The following TSPAN19 variants were observed in gnomAD, a reference collection of about 807,000 sequenced individuals.
TSPAN19 encodes the protein tetraspanin-19.
TSPAN19 carries 44 observed loss-of-function variants against 35.1 expected under a neutral mutation model. That is an observed-to-expected ratio of 1.25 (90% confidence interval 0.98 to 1.61). TSPAN19 has a LOEUF of 1.61. TSPAN19 is among the 40% of genes most tolerant of loss of function. TSPAN19 has a pLI of 0.00. For missense variants in TSPAN19, 290 were observed against 280.0 expected (o/e 1.04, Z -0.26); for synonymous variants, 79 against 92.0 (o/e 0.86, Z 0.81).
chr12:85,017,307 C>T (rs763235773), intron 7 of TSPAN19, 149 bp downstream of exon 7: 13 of 649,970 alleles, frequency 2.0e-5, no homozygotes, highest in South Asian at 7.8e-5. Flanking sequence ...TACCTAATTA[C>T]GTGTTCAACT....
chr12:85,017,697 C>T (rs1876891757), intron 6 of TSPAN19, 98 bp from the exon 7 acceptor site: 2 of 880,862 alleles, frequency 2.3e-6, no homozygotes, highest in South Asian at 2.0e-5. Context: ...GAAGATAACT[C>T]ATTAATTTTT....
At chr12:85,031,613 T>G (rs1333214011) in intron 1 of TSPAN19, among the ~76,000 whole-genome samples, 5 of 152,142 alleles carry the variant, frequency 3.3e-5, no homozygotes, top group Non-Finnish European at 7.4e-5. Context: ...TTATCTCAGT[T>G]CAAAGTAGGT....
intron 3 of TSPAN19, among the ~76,000 whole-genome samples, chr12:85,028,929 A>G (rs1877553214): frequency 6.6e-6 from 1 of 152,136 alleles, no homozygotes; most frequent in South Asian, 2.1e-4. Flanking sequence ...AAAAGGTAAC[A>G]TCTGAGCATA....
Position 85,028,016 on chromosome 12 carries a change from A to G in TSPAN19, c.147T>C (p.Asn49=). The G allele has an allele frequency of 6.4e-7, 1 of 1,555,122 alleles. No individual in the cohort carries two copies. Among genetic ancestry groups the G allele is most frequent in the Non-Finnish European group, 8.7e-7 (1 of 1,146,060 alleles). ...GAGAAATAGGTACTATGAAGTGATT[A>G]TTTTCATCTGTGAAAAGTACAAATT... ...RNNFLTAFDE[N]NHFIVPISQI... The change falls in exon 4 of 9, where the codon AAT becomes AAC. Residue 49 remains asparagine, a synonymous_variant. Transcript: ENST00000532498.
At chr12:85,031,114 A>G (rs898410774) in intron 1 of TSPAN19, among the ~76,000 whole-genome samples, 4 of 152,106 alleles carry the variant, frequency 2.6e-5, no homozygotes, top group African/African-American at 9.7e-5. Flanking sequence ...ATCGTAAACC[A>G]TCTTCCTCGT....
rs143520458 is a variant in TSPAN19 at position 85,028,520 on chromosome 12, C to T, written c.140-497G>A. 2.2e-4 allele frequency among the ~76,000 whole-genome samples: 34 copies of T among 152,268 alleles called. No individual in the cohort carries two copies. The East Asian group carries it at 6.0e-3, about 27-fold the overall frequency. On this transcript the variant is annotated intron_variant, in intron 3 of 8. Coordinates refer to ENST00000532498, the MANE Select transcript of TSPAN19 (RefSeq NM_001100917.2). ...AGATTATATATATTTATCCAGTCAA[C>T]AGGCTGACTGTTGAATGCTTGGTGC... is the stretch of plus-strand genomic sequence containing the variant.
rs1428466262 is a variant in TSPAN19, at chr12:85,015,986, T to C, written c.595-15A>G. 2 of 1,441,792 alleles carry C rather than the reference T, an allele frequency of 1.4e-6. No homozygotes were observed. The highest frequency in any genetic ancestry group is 1.9e-6 in the Non-Finnish European group (2 of 1,063,290). 89.3% of individuals were successfully genotyped at this position (1,441,792 alleles called of 1,614,324 possible). ...TTTTCACAACCCTAAGAAAAAGAAGTTATTCAGATGGACATGGAGATGGAA... is the reference window on the plus strand; with the variant it reads ...TTTTCACAACCCTAAGAAAAAGAAGCTATTCAGATGGACATGGAGATGGAA... On this transcript the variant is annotated splice_polypyrimidine_tract_variant and intron_variant, in intron 7 of 8. Coordinates refer to ENST00000532498, the MANE Select transcript of TSPAN19 (RefSeq NM_001100917.2).
intron 3 of TSPAN19, among the ~76,000 whole-genome samples, chr12:85,029,279 C>T (rs1425772997): frequency 6.6e-6 from 1 of 152,036 alleles, no homozygotes; most frequent in Non-Finnish European, 1.5e-5. Flanking sequence ...AGGAAAGTTA[C>T]ATGGTTAAAA....
chr12:85,020,102 C>CT (rs1271735501), intron 5 of TSPAN19, among the ~76,000 whole-genome samples: 2 of 151,938 alleles, frequency 1.3e-5, no homozygotes, highest in East Asian at 3.9e-4. Flanking sequence ...GGACACTAGG[C>CT]TTTTTCTGGC....
At chr12:85,014,662 G>A in intron 8 of TSPAN19, 107 bp from the exon 9 acceptor site, 1 of 759,410 alleles carries the variant, frequency 1.3e-6, no homozygotes, top group East Asian at 2.8e-5. Flanking sequence ...AAGGGAAAAG[G>A]GATCAAAACT....
intron 6 of TSPAN19, among the ~76,000 whole-genome samples, chr12:85,018,283 T>C (rs1322866887): frequency 6.6e-6 from 1 of 151,866 alleles, no homozygotes; most frequent in Non-Finnish European, 1.5e-5. Context: ...TTATGGAAAA[T>C]GATAACATTA....
At position 85,014,378 on chromosome 12, in the gene TSPAN19, T is replaced by G. The variant is rs889892370; in HGVS notation, c.*109A>C. ...TCAATATTACATATAATTAATAATT[T>G]GAATACATCTGTTATTTAATACAAT... On this transcript the variant is annotated 3_prime_UTR_variant, in exon 9 of 9. Coordinates refer to ENST00000532498, the MANE Select transcript of TSPAN19 (RefSeq NM_001100917.2). The G allele has an allele frequency of 1.5e-6, 1 of 656,400 alleles. No homozygotes were observed. Among genetic ancestry groups the G allele is most frequent in the African/African-American group, 1.9e-5 (1 of 52,384 alleles). 40.7% of individuals were successfully genotyped at this position (656,400 alleles called of 1,614,324 possible).
At chr12:85,015,541 T>TATACACAC (rs374178837) in intron 8 of TSPAN19, 7 of 146,880 alleles carry the variant, frequency 4.8e-5, no homozygotes, top group African/African-American at 1.8e-4. Context: ...TATGAACATA[T>TATACACAC]ACACACACAC....
intron 6 of TSPAN19, among the ~76,000 whole-genome samples, chr12:85,018,566 T>A (rs1031190856): frequency 2.0e-5 from 3 of 151,930 alleles, no homozygotes; most frequent in Non-Finnish European, 4.4e-5. Context: ...GAAAATACAA[T>A]ACATGTACGG....
intron 7 of TSPAN19, chr12:85,016,561 A>T (rs1876817812): frequency 6.6e-6 from 1 of 152,018 alleles, no homozygotes; most frequent in Non-Finnish European, 1.5e-5. Context: ...GAAGATGACT[A>T]CTAAGTGACT....
chr12:85,023,967 A>C (rs1877264929), intron 4 of TSPAN19, among the ~76,000 whole-genome samples: 1 of 152,068 alleles, frequency 6.6e-6, no homozygotes, highest in African/African-American at 2.4e-5. Context: ...GCTGTTGTCC[A>C]CCTAAAAAAA....
chr12:85,019,334 C>A (rs146709263), intron 6 of TSPAN19, among the ~76,000 whole-genome samples: 1 of 152,018 alleles, frequency 6.6e-6, no homozygotes, highest in African/African-American at 2.4e-5. Context: ...ACTTATCTCC[C>A]ATCAGGTGCA....
chr12:85,021,761 T>C (rs1877139054), intron 5 of TSPAN19, among the ~76,000 whole-genome samples: 1 of 152,102 alleles, frequency 6.6e-6, no homozygotes, highest in South Asian at 2.1e-4. Flanking sequence ...CAAATTGATG[T>C]AAACAAAGCT....
At chr12:85,023,750 C>T (rs1350517614) in intron 4 of TSPAN19, among the ~76,000 whole-genome samples, 3 of 152,074 alleles carry the variant, frequency 2.0e-5, no homozygotes, top group Non-Finnish European at 4.4e-5. Context: ...TAAAGACTCA[C>T]TAAATTTCTG....
Sources: gnomAD v4.1 joint callset for allele counts (sites outside exome capture counted in the v4.1 genomes callset) on GRCh38, gnomAD v4.1.1 for gene constraint, MANE v1.5 for transcripts, NCBI Gene and HGNC (gene_info 2026-07-23, HGNC 2026-07-21) for gene names.